The following KHDRBS2 variants were observed in gnomAD, a reference collection of about 807,000 sequenced individuals.
KHDRBS2 encodes the protein KH domain-containing, RNA-binding, signal transduction-associated protein 2.
A neutral mutation model predicts 44.3 loss-of-function variants in KHDRBS2; 26 were observed. The observed-to-expected ratio is 0.59, with a 90% CI of 0.43 to 0.81. The LOEUF (loss-of-function observed/expected upper bound fraction) is 0.81. Among genes scored for constraint, KHDRBS2 ranks in the 40% least tolerant of loss-of-function variants. The pLI is 0.00. For synonymous variants in KHDRBS2, 194 were observed against 151.1 expected (o/e 1.28, Z -2.08); for missense variants, 476 against 433.1 (o/e 1.10, Z -0.88).
intron 6 of KHDRBS2, among the ~76,000 whole-genome samples, chr6:61,891,942 GA>G (rs1409687013): frequency 6.6e-6 from 1 of 152,072 alleles, no homozygotes; most frequent in Non-Finnish European, 1.5e-5. Flanking sequence ...ATTCAATCAT[GA>G]AAAAAGGAAG....
At chr6:61,582,271 A>T in the KHDRBS2 span, among the ~76,000 whole-genome samples, 3,708 of 151,932 alleles carry the variant, frequency 0.024, 71 homozygotes, top group Middle Eastern at 0.085. Context: ...CTGAACAATG[A>T]AAAATAATTT....
chr6:61,773,676 T>G (rs1401738642), intron 6 of KHDRBS2, among the ~76,000 whole-genome samples: 1 of 151,516 alleles, frequency 6.6e-6, no homozygotes, highest in African/African-American at 2.4e-5. Context: ...TTTTGGCTTT[T>G]GTTGCCATTG....
chr6:61,655,165 G>T, the KHDRBS2 span, among the ~76,000 whole-genome samples: 133 of 151,276 alleles, frequency 8.8e-4, no homozygotes, highest in African/African-American at 3.0e-3. Flanking sequence ...CTATCCTGTG[G>T]AATAGGAAGG....
Position 61,955,157 on chromosome 6 carries a change from T to C in KHDRBS2, c.483+22909A>G, listed in dbSNP as rs537035808. ...ATGTATATACACATACGTGTGTATG[T>C]ATGTATACATATGTGTATATACACA... On this transcript the variant is annotated intron_variant, in intron 4 of 8. Coordinates refer to ENST00000281156, the MANE Select transcript of KHDRBS2 (RefSeq NM_152688.4). Among the ~76,000 whole-genome samples, 6 of 145,334 alleles carry C rather than the reference T, an allele frequency of 4.1e-5. 1 individual carries two copies. The highest frequency in any genetic ancestry group is 1.2e-4 in the African/African-American group (5 of 40,224).
chr6:62,104,294 T>A (rs1304977893), intron 2 of KHDRBS2, among the ~76,000 whole-genome samples: 7 of 125,068 alleles, frequency 5.6e-5, no homozygotes, highest in African/African-American at 9.2e-5. Flanking sequence ...TAAATAAGTC[T>A]TTTTTTTTTA....
In KHDRBS2 at chr6:62,135,498, T is replaced by C. The variant is rs577393093; in HGVS notation, c.219+41687A>G. Among the ~76,000 whole-genome samples, 8 of 152,300 alleles carry C rather than the reference T, an allele frequency of 5.3e-5. No individual in the cohort carries two copies. The East Asian group carries it at 1.5e-3, about 29-fold the overall frequency. The stretch of plus-strand genomic sequence containing the variant: ...TCCTAAAAAGTATTAAAAATAGAGC[T>C]ACTGTATGACCCACGTATACCTCTT... On this transcript the variant is annotated intron_variant, in intron 2 of 8. Coordinates refer to ENST00000281156, the MANE Select transcript of KHDRBS2 (RefSeq NM_152688.4).
chr6:62,271,273 A>T (rs1027725815), intron 1 of KHDRBS2, among the ~76,000 whole-genome samples: 8 of 152,264 alleles, frequency 5.3e-5, no homozygotes, highest in African/African-American at 1.9e-4. Context: ...ATGGAGCTGA[A>T]AAACTCCTAA....
intron 6 of KHDRBS2, among the ~76,000 whole-genome samples, chr6:61,876,303 C>T (rs1799401173): frequency 2.0e-5 from 3 of 151,950 alleles, no homozygotes; most frequent in African/African-American, 7.2e-5. Context: ...TTGAGTCTGT[C>T]AAAAGCATGA....
chr6:61,554,993 T>C, the KHDRBS2 span, among the ~76,000 whole-genome samples: 1 of 152,162 alleles, frequency 6.6e-6, no homozygotes, highest in East Asian at 1.9e-4. Flanking sequence ...GTCCTGGAGG[T>C]GGTCTTCTTG....
chr6:61,557,416 C>G, the KHDRBS2 span, among the ~76,000 whole-genome samples: 12 of 152,138 alleles, frequency 7.9e-5, no homozygotes, highest in Non-Finnish European at 1.2e-4. Flanking sequence ...CCATGTCAGA[C>G]AGAAGGCTGT....
chr6:61,565,013 C>A, the KHDRBS2 span, among the ~76,000 whole-genome samples: 1 of 151,924 alleles, frequency 6.6e-6, no homozygotes, highest in African/African-American at 2.4e-5. Flanking sequence ...AATAAATTCA[C>A]AGATATACAA....
chr6:62,056,683 A>G (rs1217900053), intron 2 of KHDRBS2, among the ~76,000 whole-genome samples: 1 of 152,014 alleles, frequency 6.6e-6, no homozygotes, highest in Non-Finnish European at 1.5e-5. Context: ...TCTCTTTCAT[A>G]TTATGTTACA....
At chr6:62,104,781 G>C (rs1802760008) in intron 2 of KHDRBS2, among the ~76,000 whole-genome samples, 1 of 151,688 alleles carries the variant, frequency 6.6e-6, no homozygotes, top group South Asian at 2.1e-4. Context: ...AAAATTCGTA[G>C]TTACAATAAA....
At chr6:61,707,753 G>C (rs1478207401) in intron 7 of KHDRBS2, among the ~76,000 whole-genome samples, 1 of 151,586 alleles carries the variant, frequency 6.6e-6, no homozygotes, top group African/African-American at 2.4e-5. Flanking sequence ...TTTATCGGCT[G>C]CTGTTAATTT....
chr6:61,627,136 C>A, the KHDRBS2 span, among the ~76,000 whole-genome samples: 1 of 150,768 alleles, frequency 6.6e-6, no homozygotes. Context: ...GCCTGTAGTC[C>A]CAGCTACTCG....
At chr6:61,714,861 AGAGTGTG>A (rs1338090279) in intron 7 of KHDRBS2, among the ~76,000 whole-genome samples, 1 of 151,802 alleles carries the variant, frequency 6.6e-6, no homozygotes, top group Non-Finnish European at 1.5e-5. Context: ...CCATGGATGT[AGAGTGTG>A]GAATGGCAGA....
At chr6:62,041,022 A>G (rs1786367238) in intron 3 of KHDRBS2, among the ~76,000 whole-genome samples, 1 of 152,040 alleles carries the variant, frequency 6.6e-6, no homozygotes, top group South Asian at 2.1e-4. Context: ...GTTATATTGC[A>G]TTTGTACTTT....
intron 1 of KHDRBS2, among the ~76,000 whole-genome samples, chr6:62,265,021 A>G (rs184319944): frequency 9.5e-4 from 144 of 151,982 alleles, no homozygotes; most frequent in African/African-American, 3.3e-3. Flanking sequence ...TAAAACACAA[A>G]TAGATCTTCA....
At chr6:61,624,355 CCAA>C in the KHDRBS2 span, among the ~76,000 whole-genome samples, 1 of 152,144 alleles carries the variant, frequency 6.6e-6, no homozygotes, top group Admixed American at 6.5e-5. Flanking sequence ...GGTCAACCTT[CCAA>C]CAACAAACAC....
Sources: allele counts gnomAD v4.1 joint callset (sites outside exome capture counted in the v4.1 genomes callset), GRCh38; gene constraint gnomAD v4.1.1; transcripts MANE v1.5; gene names NCBI Gene and HGNC (gene_info 2026-07-23, HGNC 2026-07-21).